Variants in TOM1 observed in about 807,000 individuals in gnomAD.
TOM1 encodes the protein target of Myb protein 1.
In TOM1, 38 loss-of-function variants were observed where a neutral mutation model predicts 61.3. That is an observed-to-expected ratio of 0.62 (90% CI 0.48 to 0.81). The LOEUF (loss-of-function observed/expected upper bound fraction) is 0.81. TOM1 is among the 40% of genes least tolerant of loss of function. The pLI is 0.00. For synonymous variants in TOM1, 270 were observed against 268.8 expected, an observed-to-expected ratio of 1.00 and a Z score of -0.04; for missense variants, 591 against 659.6, an observed-to-expected ratio of 0.90 and a Z score of 1.14.
intron 2 of TOM1, among the ~76,000 whole-genome samples, chr22:35,319,650 G>T (rs1927602759): frequency 6.6e-6 from 1 of 152,088 alleles, no homozygotes; most frequent in Non-Finnish European, 1.5e-5. Flanking sequence ...GCCAGGGAAT[G>T]ATTCTGATTC....
At chr22:35,335,294 T>C (rs1368980487) in intron 11 of TOM1, among the ~76,000 whole-genome samples, 1 of 152,184 alleles carries the variant, frequency 6.6e-6, no homozygotes, top group Non-Finnish European at 1.5e-5. Context: ...CATTCTGGTG[T>C]CTTTTGGAAC....
At chr22:35,343,224 CCACA>C (rs1396278492) in intron 12 of TOM1, among the ~76,000 whole-genome samples, 1 of 140,780 alleles carries the variant, frequency 7.1e-6, no homozygotes, top group Non-Finnish European at 1.5e-5. Context: ...CCTACACACA[CCACA>C]CACACATCTA....
chr22:35,300,804 G>A (rs1925686994), intron 1 of TOM1, among the ~76,000 whole-genome samples: 1 of 152,146 alleles, frequency 6.6e-6, no homozygotes, highest in Non-Finnish European at 1.5e-5. Context: ...GGGCAATAAT[G>A]GTCCCCACCT....
chr22:35,338,881 G>A (rs1195344801), intron 12 of TOM1, 93 bp downstream of exon 12: 3 of 1,198,054 alleles, frequency 2.5e-6, no homozygotes, highest in Non-Finnish European at 3.4e-6. Context: ...CCAAGCACTG[G>A]CCCAGCACGT....
intron 1 of TOM1, among the ~76,000 whole-genome samples, chr22:35,312,975 A>C (rs915614327): frequency 2.0e-5 from 3 of 152,188 alleles, no homozygotes; most frequent in Admixed American, 6.5e-5. Flanking sequence ...CTCAGTGATC[A>C]TGAGACTGTT....
Position 35,323,384 on chromosome 22 carries a change from T to TC in TOM1, c.367-112_367-111insC. The TC allele has an allele frequency of 7.3e-7, 1 of 1,360,732 alleles. No individual in the cohort carries two copies. The highest frequency in any genetic ancestry group is 1.0e-6 in the Non-Finnish European group (1 of 998,714). 84.3% of individuals were successfully genotyped at this position (1,360,732 alleles called of 1,614,324 possible). The stretch of plus-strand genomic sequence containing the variant: ...TGTGGAGTGGGCAGGGCAGATGTAG[T>TC]TAAAAAAAAAAAAAAAGCAGGGAAA... On this transcript the variant is annotated intron_variant, in intron 4 of 14. Transcript: ENST00000449058. This position sits in a 1 kb window ranked among gnomAD's most constrained non-coding sequence, Gnocchi z 4.2.
chr22:35,317,001 G>A (rs369343111), intron 1 of TOM1, among the ~76,000 whole-genome samples: 5 of 152,026 alleles, frequency 3.3e-5, no homozygotes, highest in African/African-American at 4.8e-5. Context: ...GTAATGGAGC[G>A]TTTGCTTCCT....
At chr22:35,333,351 A>T in intron 9 of TOM1, 53 bp from the exon 10 acceptor site, 1 of 1,544,146 alleles carries the variant, frequency 6.5e-7, no homozygotes, top group Admixed American at 1.7e-5. Context: ...TGGGGCAGAA[A>T]GGAACGAAGC....
At chr22:35,340,686 G>A (rs755598296) in intron 12 of TOM1, among the ~76,000 whole-genome samples, 3 of 152,196 alleles carry the variant, frequency 2.0e-5, no homozygotes, top group Non-Finnish European at 4.4e-5. Flanking sequence ...GGTGGAGGTT[G>A]TGGTGAGCTG....
Position 35,323,121 on chromosome 22 carries a change from C to T in TOM1, c.310C>T (p.Leu104=), listed in dbSNP as rs1468694573. Residue 104 remains leucine (L), a synonymous_variant, in exon 4 of 15, where the codon CTG becomes TTG. Transcript: ENST00000449058. The surrounding 1 kb of genome is among the most constrained non-coding windows in gnomAD (Gnocchi z 4.2). ...GGAGAGTGTGCTGGTGAGGACCATC[C>T]TGCCCAAGAACAACCCACCCACCAT... ...FVESVLVRTI[L]PKNNPPTIVH... 1 of 1,614,172 alleles carries T rather than the reference C, an allele frequency of 6.2e-7. No individual in the cohort carries two copies. Among genetic ancestry groups the T allele is most frequent in the Admixed American group, 1.7e-5 (1 of 60,022 alleles).
intron 6 of TOM1, among the ~76,000 whole-genome samples, chr22:35,324,688 A>G (rs370787206): frequency 4.5e-4 from 68 of 152,306 alleles, no homozygotes; most frequent in African/African-American, 1.6e-3. Context: ...AGCTGGGACT[A>G]CAGGCATGAG....
chr22:35,328,721 G>A (rs778408859), intron 7 of TOM1, among the ~76,000 whole-genome samples: 6 of 152,198 alleles, frequency 3.9e-5, no homozygotes, highest in Non-Finnish European at 8.8e-5. Context: ...CTTGGAGGGG[G>A]CAGGGGACAG....
intron 8 of TOM1, among the ~76,000 whole-genome samples, chr22:35,332,146 G>T (rs547539810): frequency 2.6e-5 from 4 of 152,112 alleles, no homozygotes; most frequent in South Asian, 2.1e-4. Flanking sequence ...AGTGGAAAGT[G>T]GGGGGTACCC....
rs1007131219 is a variant in TOM1, at chr22:35,322,230, C to T, written c.216+193C>T. Reference sequence around the variant, plus strand: ...CAAGAGGCCATTTGGAAAGGTTCTCCCCAATCCCCCAGCATGGGAACAGAC... The same window carrying T: ...CAAGAGGCCATTTGGAAAGGTTCTCTCCAATCCCCCAGCATGGGAACAGAC... On this transcript the variant is annotated intron_variant, in intron 3 of 14. Transcript: ENST00000449058. The T allele has an allele frequency of 1.2e-5, 7 of 584,678 alleles. No homozygotes were observed. The African/African-American group carries it at 1.3e-4, about 11-fold the overall frequency. The allele number at this position is 584,678 out of a possible 1,614,324, so 36.2% of individuals were successfully genotyped here.
intron 1 of TOM1, among the ~76,000 whole-genome samples, chr22:35,308,275 C>CTTTTTTTTTTTTTTTTTTTTTTTTTT (rs138770): frequency 1.5e-5 from 2 of 129,442 alleles, no homozygotes; most frequent in African/African-American, 2.7e-5. Flanking sequence ...TTCCTTTTCT[C>CTTTTTTTTTTTTTTTTTTTTTTTTTT]TTTTTTTTTT....
chr22:35,343,714 CCA>C (rs201859071), intron 12 of TOM1, among the ~76,000 whole-genome samples: 10 of 145,622 alleles, frequency 6.9e-5, no homozygotes, highest in South Asian at 2.3e-4. Context: ...TACACACACA[CCA>C]CACACACATC....
rs368997639 is a variant in TOM1 at position 35,318,046 on chromosome 22, G to A, written c.137+85G>A. On this transcript the variant is annotated intron_variant, in intron 2 of 14. Transcript: ENST00000449058. ...TCCTGCACCCTTCCAGGGAGCCCCT[G>A]CCCCAGCCCCATTGCTGCCATAGCC... The A allele has an allele frequency of 1.1e-4, 133 of 1,232,108 alleles. No homozygotes were observed. In the East Asian group the frequency reaches 1.6e-3, roughly 15 times the overall value. 76.3% of individuals were successfully genotyped at this position (1,232,108 alleles called of 1,614,324 possible). A position where few individuals can be genotyped will look rare whatever the true frequency, so the allele number is the denominator to read the frequency against.
chr22:35,316,448 G>A (rs910514764), intron 1 of TOM1, among the ~76,000 whole-genome samples: 4 of 152,356 alleles, frequency 2.6e-5, no homozygotes, highest in Admixed American at 6.5e-5. Context: ...CCTAAAGACC[G>A]TTTACAAAGG....
intron 10 of TOM1, among the ~76,000 whole-genome samples, chr22:35,333,909 C>T (rs185200942): frequency 6.6e-6 from 1 of 152,314 alleles, no homozygotes; most frequent in East Asian, 1.9e-4. Context: ...TGGCCATTGT[C>T]ACTGTTATCA....
Sources: allele counts gnomAD v4.1 joint callset (sites outside exome capture counted in the v4.1 genomes callset), GRCh38; gene constraint gnomAD v4.1.1; non-coding constraint Gnocchi (gnomAD v3.1); transcripts MANE v1.5; gene names NCBI Gene and HGNC (gene_info 2026-07-23, HGNC 2026-07-21).